Variants in POF1B observed in about 807,000 individuals in gnomAD.
POF1B encodes protein POF1B.
In POF1B, 53 loss-of-function variants were observed where a neutral mutation model predicts 55.3. The observed-to-expected ratio is 0.96, with a 90% CI of 0.77 to 1.20. POF1B has a LOEUF of 1.20. POF1B is among the 50% of genes most tolerant of loss of function. The pLI, the probability that POF1B is intolerant of heterozygous loss-of-function variation, is 0.00. For missense variants in POF1B, 478 were observed against 420.5 expected, an observed-to-expected ratio of 1.14 and a Z score of -1.20; for synonymous variants, 188 against 148.3, an observed-to-expected ratio of 1.27 and a Z score of -1.95.
chrX:85,300,783 A>T (rs945800873), intron 15 of POF1B, among the ~76,000 whole-genome samples: 24 of 112,059 alleles, frequency 2.1e-4, no homozygotes, highest in Non-Finnish European at 4.1e-4. Flanking sequence ...GAACTAAAGA[A>T]CTAAAGGAAA....
Position 85,379,215 on chromosome X carries a change from G to A in POF1B, c.240C>T (p.Thr80=). 6 of 1,211,042 alleles carry A rather than the reference G, an allele frequency of 5.0e-6. No individual in the cohort carries two copies. The South Asian group carries it at 1.1e-4, about 21-fold the overall frequency. The change falls in exon 2 of 17, where the codon ACC becomes ACT. Residue 80 remains threonine, a synonymous_variant. Coordinates refer to ENST00000262753, the MANE Select transcript of POF1B (RefSeq NM_024921.4). The stretch of plus-strand genomic sequence containing the variant: ...AAACCAAATTTTGGTAGGAGGAGGT[G>A]GTTTTGAGAGGGGAGAGCACTTCCC... ...NSREVLSPLK[T]TSSYQNLVWS... is the part of the protein sequence containing the mutation.
At chrX:85,328,725 C>T (rs1932930084) in intron 7 of POF1B, among the ~76,000 whole-genome samples, 1 of 110,057 alleles carries the variant, frequency 9.1e-6, no homozygotes, top group Admixed American at 9.8e-5. Context: ...TCTAAATGTT[C>T]ACATGATGCG....
At chrX:85,284,778 A>G (rs1345631630) in intron 15 of POF1B, among the ~76,000 whole-genome samples, 1 of 112,076 alleles carries the variant, frequency 8.9e-6, no homozygotes, top group African/African-American at 3.2e-5. Context: ...ACCAAAAGCA[A>G]TGGCAACAAA....
At chrX:85,352,053 C>T (rs979807705) in intron 4 of POF1B, among the ~76,000 whole-genome samples, 2 of 110,702 alleles carry the variant, frequency 1.8e-5, no homozygotes, top group African/African-American at 6.5e-5. Context: ...TTTATCTCCA[C>T]ATATTCAACT....
intron 7 of POF1B, 47 bp from the exon 8 acceptor site, chrX:85,315,781 A>G: frequency 2.0e-6 from 2 of 1,009,786 alleles, no homozygotes; most frequent in East Asian, 6.5e-5. Context: ...AAAGGTATTC[A>G]CTGATCATAT....
intron 16 of POF1B, among the ~76,000 whole-genome samples, chrX:85,279,974 T>C (rs774986315): frequency 3.6e-5 from 4 of 111,117 alleles, no homozygotes; most frequent in Non-Finnish European, 7.6e-5. Context: ...GAGTGGCCAA[T>C]TTTAAATTCT....
chrX:85,323,709 A>G (rs1051137944), intron 7 of POF1B, among the ~76,000 whole-genome samples: 2 of 110,466 alleles, frequency 1.8e-5, no homozygotes, highest in South Asian at 3.8e-4. Context: ...TTATGTCTCA[A>G]TTTCCTTCAG....
chrX:85,317,247 T>A (rs764357491), intron 7 of POF1B, among the ~76,000 whole-genome samples: 1 of 108,323 alleles, frequency 9.2e-6, no homozygotes, highest in East Asian at 3.0e-4. Context: ...TTGAAAACAG[T>A]TTGGCAATTA....
chrX:85,329,104 C>A (rs1031929797), intron 7 of POF1B, among the ~76,000 whole-genome samples: 5 of 111,749 alleles, frequency 4.5e-5, no homozygotes, highest in Non-Finnish European at 9.4e-5. Flanking sequence ...CCATCTCAGG[C>A]ACTTAGTAGC....
rs1932310834 is a variant in POF1B at position 85,296,379 on chromosome X, A to AT, written c.1649+7026dup. 3.6e-5 allele frequency among the ~76,000 whole-genome samples: 4 copies of AT among 112,148 alleles called. No individual in the cohort carries two copies. In the South Asian group the frequency reaches 1.5e-3, roughly 42 times the overall value. On this transcript the variant is annotated intron_variant, in intron 15 of 16. Coordinates refer to ENST00000262753, the MANE Select transcript of POF1B (RefSeq NM_024921.4). ...GTGTGTTTTCATGGTAGAAGATATA[A>AT]TTATTTCATTTCCATGTTTATCATT... is the stretch of plus-strand genomic sequence containing the variant.
At chrX:85,379,530 A>G (rs2147957937) in intron 1 of POF1B, 35 bp from the exon 2 acceptor site, 1 of 1,075,128 alleles carries the variant, frequency 9.3e-7, no homozygotes, top group South Asian at 2.2e-5. Context: ...ATGGAAAAAA[A>G]AGACAGGCAA....
chrX:85,297,196 C>A (rs761222915), intron 15 of POF1B, among the ~76,000 whole-genome samples: 1 of 111,892 alleles, frequency 8.9e-6, no homozygotes, highest in Non-Finnish European at 1.9e-5. Flanking sequence ...TCCTTGCCAT[C>A]CAGATTCTGA....
chrX:85,378,926 C>T (rs1933965355), intron 2 of POF1B, among the ~76,000 whole-genome samples: 1 of 111,897 alleles, frequency 8.9e-6, no homozygotes, highest in Non-Finnish European at 1.9e-5. Flanking sequence ...TCAGATCAAA[C>T]AGAAAATGAG....
intron 4 of POF1B, 96 bp downstream of exon 4, chrX:85,359,454 A>G: frequency 3.2e-6 from 2 of 622,564 alleles, no homozygotes; most frequent in Non-Finnish European, 2.6e-6. Flanking sequence ...AGAAAGTCCA[A>G]CAATCTGATC....
chrX:85,336,013 C>T (rs1933067306), intron 6 of POF1B, among the ~76,000 whole-genome samples: 1 of 110,192 alleles, frequency 9.1e-6, no homozygotes. Flanking sequence ...CCCCACTAAC[C>T]TTCTCAACCT....
intron 5 of POF1B, among the ~76,000 whole-genome samples, chrX:85,349,167 G>T (rs551382111): frequency 1.8e-5 from 2 of 110,902 alleles, no homozygotes; most frequent in East Asian, 5.7e-4. Flanking sequence ...AAATGTTAAA[G>T]ATTTGCATGT....
At chrX:85,343,747 T>G (rs1348931441) in intron 6 of POF1B, among the ~76,000 whole-genome samples, 2 of 110,924 alleles carry the variant, frequency 1.8e-5, no homozygotes, top group Non-Finnish European at 3.8e-5. Context: ...GAAACTAGTC[T>G]GCTTTCTATC....
intron 16 of POF1B, 133 bp from the exon 17 acceptor site, chrX:85,279,559 A>G (rs1239274508): frequency 2.1e-6 from 1 of 477,318 alleles, no homozygotes; most frequent in Non-Finnish European, 3.5e-6. Flanking sequence ...CTTTTGTGGC[A>G]CTCTTTTATA....
intron 7 of POF1B, among the ~76,000 whole-genome samples, chrX:85,318,138 G>C (rs1312764377): frequency 9.0e-6 from 1 of 110,994 alleles, no homozygotes; most frequent in East Asian, 2.9e-4. Flanking sequence ...TTAATACCTG[G>C]GTGATGAAAT....
Sources: gnomAD v4.1 joint callset for allele counts (sites outside exome capture counted in the v4.1 genomes callset) on GRCh38, gnomAD v4.1.1 for gene constraint, MANE v1.5 for transcripts, NCBI Gene and HGNC (gene_info 2026-07-23, HGNC 2026-07-21) for gene names.